MECOM: variants seen among roughly 807,000 people sequenced by gnomAD.
MECOM encodes the protein histone-lysine N-methyltransferase MECOM.
A neutral mutation model predicts 116.3 loss-of-function variants in MECOM; 13 were observed. That is an observed-to-expected ratio of 0.11 (90% CI 0.07 to 0.18). The LOEUF (loss-of-function observed/expected upper bound fraction) is 0.18, where lower values mean the gene tolerates loss of function less well. Ranked by LOEUF, MECOM falls within the 10% of genes least tolerant of loss-of-function variation. The probability of loss-of-function intolerance (pLI) is 1.00; values close to 1 mark genes in which losing one functional copy is unlikely to be tolerated. For synonymous variants in MECOM, 528 were observed against 535.2 expected (o/e 0.99, Z 0.19); for missense variants, 1,299 against 1,509.0 (o/e 0.86, Z 2.31).
intron 2 of MECOM, among the ~76,000 whole-genome samples, chr3:169,284,287 G>A (rs749606983): frequency 1.1e-4 from 16 of 152,158 alleles, no homozygotes; most frequent in Non-Finnish European, 1.0e-4. Flanking sequence ...CGGAAACCAC[G>A]GGGTCACATT....
intron 1 of MECOM, among the ~76,000 whole-genome samples, chr3:169,541,454 C>T (rs1760046784): frequency 1.3e-5 from 2 of 152,252 alleles, no homozygotes; most frequent in Admixed American, 1.3e-4. Context: ...TCCAGATCCT[C>T]TCAGAAGCCC....
chr3:169,307,824 A>G (rs1177507502), intron 2 of MECOM, among the ~76,000 whole-genome samples: 1 of 152,070 alleles, frequency 6.6e-6, no homozygotes, highest in Admixed American at 6.6e-5. Flanking sequence ...CTCCATAGCA[A>G]TTTGAATACG....
At chr3:169,618,635 G>A (rs1231123669) in intron 1 of MECOM, among the ~76,000 whole-genome samples, 1 of 152,128 alleles carries the variant, frequency 6.6e-6, no homozygotes, top group Non-Finnish European at 1.5e-5. Context: ...CCAGCCTGGT[G>A]ACAGAGTGAG....
chr3:169,240,598 A>G (rs976446228), intron 2 of MECOM, among the ~76,000 whole-genome samples: 7 of 152,148 alleles, frequency 4.6e-5, no homozygotes, highest in African/African-American at 1.7e-4. Context: ...GAAATCTATT[A>G]TAACTTCTGC....
At chr3:169,485,799 A>G (rs1012253706) in intron 1 of MECOM, among the ~76,000 whole-genome samples, 1 of 148,618 alleles carries the variant, frequency 6.7e-6, no homozygotes, top group Non-Finnish European at 1.5e-5. Context: ...TAACTTTGAA[A>G]TGTACAATTC....
At chr3:169,647,088 G>C (rs547325131) in intron 1 of MECOM, among the ~76,000 whole-genome samples, 2 of 152,094 alleles carry the variant, frequency 1.3e-5, no homozygotes, top group South Asian at 4.2e-4. Flanking sequence ...TATGAGCTTT[G>C]GAATGCCCAG....
chr3:169,273,427 T>C (rs890199590), intron 2 of MECOM, among the ~76,000 whole-genome samples: 4 of 152,036 alleles, frequency 2.6e-5, no homozygotes, highest in Non-Finnish European at 4.4e-5. Context: ...TGCTTCCACA[T>C]AGAAATAAGC....
chr3:169,610,249 A>G (rs1440051838), intron 1 of MECOM, among the ~76,000 whole-genome samples: 2 of 152,152 alleles, frequency 1.3e-5, no homozygotes, highest in Non-Finnish European at 2.9e-5. Context: ...TGCCTATGTA[A>G]ATAAAGGAAT....
chr3:169,409,797 A>G lies in MECOM; in HGVS notation c.38-28273T>C, dbSNP rs1178648994. Among the ~76,000 whole-genome samples, 3 of 152,310 alleles carry G rather than the reference A, an allele frequency of 2.0e-5. No homozygotes were observed. The East Asian group carries it at 5.8e-4, about 29-fold the overall frequency. ...CTAACAATTTTTCTTTGGATTCATG[A>G]GACAGAAGAGCATGCATCCATTGAA... On this transcript the variant is annotated intron_variant, in intron 1 of 16. Transcript: ENST00000651503.
At chr3:169,608,828 A>G (rs951087969) in intron 1 of MECOM, among the ~76,000 whole-genome samples, 1 of 152,238 alleles carries the variant, frequency 6.6e-6, no homozygotes. Context: ...GTTTTTAGCC[A>G]GAGTTGTTGC....
chr3:169,310,051 C>T (rs1451375605), intron 2 of MECOM, among the ~76,000 whole-genome samples: 1 of 152,240 alleles, frequency 6.6e-6, no homozygotes, highest in African/African-American at 2.4e-5. Flanking sequence ...CATTGACAGA[C>T]TGTTAATACC....
chr3:169,653,615 G>T (rs1775184503), intron 1 of MECOM, among the ~76,000 whole-genome samples: 1 of 152,188 alleles, frequency 6.6e-6, no homozygotes, highest in Admixed American at 6.5e-5. Context: ...AGAGTAGGCT[G>T]ATAAGAGACT....
intron 2 of MECOM, among the ~76,000 whole-genome samples, chr3:169,335,833 T>C (rs1431971285): frequency 6.6e-6 from 1 of 152,274 alleles, no homozygotes; most frequent in African/African-American, 2.4e-5. Context: ...ATTTAATATA[T>C]GTATATAATG....
chr3:169,661,220 C>T (rs570219908), intron 1 of MECOM, among the ~76,000 whole-genome samples: 31 of 152,076 alleles, frequency 2.0e-4, no homozygotes, highest in Non-Finnish European at 3.7e-4. Flanking sequence ...TGAGTTGCGG[C>T]GCGAAGCCTT....
chr3:169,322,589 T>C (rs1421089049), intron 2 of MECOM, among the ~76,000 whole-genome samples: 4 of 151,978 alleles, frequency 2.6e-5, no homozygotes, highest in African/African-American at 9.7e-5. Flanking sequence ...TGAAGGACTA[T>C]ACAGTTAATT....
At chr3:169,189,003 G>A (rs1265668581) in intron 2 of MECOM, among the ~76,000 whole-genome samples, 2 of 152,038 alleles carry the variant, frequency 1.3e-5, no homozygotes, top group Non-Finnish European at 2.9e-5. Flanking sequence ...TAATGTGAAT[G>A]TATTAGCCCC....
At chr3:169,316,654 T>A (rs1719793227) in intron 2 of MECOM, among the ~76,000 whole-genome samples, 1 of 152,158 alleles carries the variant, frequency 6.6e-6, no homozygotes, top group Non-Finnish European at 1.5e-5. Context: ...CAGGCTCAGA[T>A]GATCCTCCCA....
At chr3:169,531,108 TGG>T (rs1758571275) in intron 1 of MECOM, among the ~76,000 whole-genome samples, 1 of 152,196 alleles carries the variant, frequency 6.6e-6, no homozygotes, top group African/African-American at 2.4e-5. Flanking sequence ...TAGAGCTCCC[TGG>T]TCTGACATAC....
rs76624377 is a variant in MECOM at position 169,653,032 on chromosome 3, A to T, written c.37+10304T>A. On this transcript the variant is annotated intron_variant, in intron 1 of 16. Coordinates refer to ENST00000651503, the MANE Select transcript of MECOM (RefSeq NM_004991.4). ...CAATTTGTGATTTAAGTGAGGGGTC[A>T]TGGGCAATACCTGCACTGGCAAAAT... 7.6e-3 allele frequency among the ~76,000 whole-genome samples: 1,151 copies of T among 152,336 alleles called. 36 individuals carry two copies. The East Asian group carries it at 0.089, about 12-fold the overall frequency.
Sources: allele counts gnomAD v4.1 joint callset (sites outside exome capture counted in the v4.1 genomes callset), GRCh38; gene constraint gnomAD v4.1.1; transcripts MANE v1.5; gene names NCBI Gene and HGNC (gene_info 2026-07-23, HGNC 2026-07-21).